Variants in FILIP1L observed in about 807,000 individuals in gnomAD.
FILIP1L encodes the protein filamin A-interacting protein 1-like.
In FILIP1L, 55 loss-of-function variants were observed where a neutral mutation model predicts 96.6. The ratio of observed to expected loss-of-function variants is 0.57; its 90% CI spans 0.46 to 0.71. The LOEUF (loss-of-function observed/expected upper bound fraction) is 0.71. FILIP1L is among the 30% of genes least tolerant of loss of function. The probability of loss-of-function intolerance (pLI) is 0.00; values close to 1 mark genes in which losing one functional copy is unlikely to be tolerated. For missense variants in FILIP1L, 1,304 were observed against 1,321.2 expected, an observed-to-expected ratio of 0.99 and a Z score of 0.20; for synonymous variants, 467 against 473.9, an observed-to-expected ratio of 0.99 and a Z score of 0.19.
At position 99,892,695 on chromosome 3, in the gene FILIP1L, C is replaced by T. The variant is rs116208662; in HGVS notation, c.605+31535G>A. Among the ~76,000 whole-genome samples the T allele has an allele frequency of 3.5e-3, 533 of 152,230 alleles. 5 individuals are homozygous for T. The highest frequency in any genetic ancestry group is 0.012 in the African/African-American group (487 of 41,552). On this transcript the variant is annotated intron_variant, in intron 4 of 5. Coordinates refer to ENST00000477258, the MANE Select transcript of FILIP1L (RefSeq NM_001387850.1). ...CTCTTTAGGAGCCAGTAAGCCTTTC[C>T]CATAACTCTCCCCCAATTCCTTACT...
intron 4 of FILIP1L, among the ~76,000 whole-genome samples, chr3:99,891,303 T>C (rs1706075358): frequency 6.6e-6 from 1 of 152,178 alleles, no homozygotes; most frequent in Non-Finnish European, 1.5e-5. Context: ...ATCTCAGCTT[T>C]ATGTGGGGCT....
intron 1 of FILIP1L, among the ~76,000 whole-genome samples, chr3:100,054,652 C>T (rs1472627645): frequency 6.6e-6 from 1 of 152,092 alleles, no homozygotes; most frequent in African/African-American, 2.4e-5. Flanking sequence ...CTCAAAGAAA[C>T]CATGCTGGAC....
chr3:100,024,592 T>C (rs2064884300), intron 1 of FILIP1L, among the ~76,000 whole-genome samples: 2 of 152,158 alleles, frequency 1.3e-5, no homozygotes, highest in Non-Finnish European at 1.5e-5. Flanking sequence ...TATGTAATTA[T>C]AGTAACAAAT....
intron 1 of FILIP1L, among the ~76,000 whole-genome samples, chr3:100,024,253 A>C (rs2064878494): frequency 6.6e-6 from 1 of 151,876 alleles, no homozygotes; most frequent in African/African-American, 2.4e-5. Flanking sequence ...GTGTAGAGCC[A>C]AGGCCTTTTC....
chr3:100,091,614 A>G (rs752991315), intron 1 of FILIP1L, among the ~76,000 whole-genome samples: 2 of 152,266 alleles, frequency 1.3e-5, no homozygotes, highest in African/African-American at 2.4e-5. Context: ...TTACAAAAGT[A>G]TAACTAGCTT....
At chr3:99,929,817 G>T (rs748791938) in intron 3 of FILIP1L, 39 bp downstream of exon 3, 58 of 1,498,790 alleles carry the variant, frequency 3.9e-5, no homozygotes, top group Non-Finnish European at 4.9e-5. Flanking sequence ...GCTAGTGCTT[G>T]GCTGCCTCCC....
At chr3:100,078,540 T>A (rs2065884133) in intron 1 of FILIP1L, among the ~76,000 whole-genome samples, 1 of 152,052 alleles carries the variant, frequency 6.6e-6, no homozygotes, top group East Asian at 1.9e-4. Context: ...TTGCAAGAAT[T>A]GTCTTGGGCC....
chr3:99,866,769 T>A (rs1250214585), intron 4 of FILIP1L, among the ~76,000 whole-genome samples: 1 of 152,194 alleles, frequency 6.6e-6, no homozygotes, highest in Non-Finnish European at 1.5e-5. Flanking sequence ...ATCTTTTCCA[T>A]GATTTTTGCA....
intron 1 of FILIP1L, among the ~76,000 whole-genome samples, chr3:100,110,865 G>A (rs544531721): frequency 1.3e-5 from 2 of 152,258 alleles, no homozygotes; most frequent in Admixed American, 6.5e-5. Flanking sequence ...GATCTGATGT[G>A]ACAATGTTTT....
intron 1 of FILIP1L, among the ~76,000 whole-genome samples, chr3:99,991,959 T>C (rs1364663882): frequency 6.7e-6 from 1 of 149,174 alleles, no homozygotes; most frequent in Non-Finnish European, 1.5e-5. Flanking sequence ...TGTATATATG[T>C]GTGTATATAT....
chr3:99,899,987 G>A (rs983990577), intron 4 of FILIP1L, among the ~76,000 whole-genome samples: 4 of 152,108 alleles, frequency 2.6e-5, no homozygotes, highest in Admixed American at 6.6e-5. Context: ...CTTTGAAATC[G>A]TATAATTCTG....
At chr3:100,000,002 GA>G (rs1709796379) in intron 1 of FILIP1L, among the ~76,000 whole-genome samples, 2 of 151,610 alleles carry the variant, frequency 1.3e-5, no homozygotes, top group African/African-American at 4.8e-5. Context: ...AAAAAGAAAA[GA>G]AATACCAGAC....
intron 1 of FILIP1L, among the ~76,000 whole-genome samples, chr3:100,033,632 C>T (rs1399457831): frequency 1.3e-5 from 2 of 152,030 alleles, no homozygotes; most frequent in African/African-American, 2.4e-5. Flanking sequence ...GATATTAGGA[C>T]GGGAGCTTTT....
intron 1 of FILIP1L, among the ~76,000 whole-genome samples, chr3:100,056,850 A>G (rs190676758): frequency 1.5e-3 from 230 of 152,184 alleles, no homozygotes; most frequent in African/African-American, 5.2e-3. Context: ...TAAAAATACA[A>G]AAAATTAGCC....
At position 99,849,538 on chromosome 3, in the gene FILIP1L, C is replaced by G. The variant is rs772070838; in HGVS notation, c.2138G>C (p.Gly713Ala). 6.2e-7 allele frequency: 1 copy of G among 1,613,154 alleles called. No individual in the cohort carries two copies. Among genetic ancestry groups the G allele is most frequent in the Non-Finnish European group, 8.5e-7 (1 of 1,179,866 alleles). The change falls in exon 5 of 6, where the codon GGG becomes GCG. Residue 713 changes from glycine (G) to alanine (A), a missense_variant. Coordinates refer to ENST00000477258, the MANE Select transcript of FILIP1L (RefSeq NM_001387850.1). ...KRLQEEEAKS[G>A]HLSREVDALK... ...TGCATCCACTTCTCTTGAGAGGTGC[C>G]CTGACTTAGCTTCTTCTTCTTGAAG... is the stretch of plus-strand genomic sequence containing the variant.
At position 100,013,658 on chromosome 3, in the gene FILIP1L, A is replaced by C. The variant is rs541516925; in HGVS notation, c.-10-82628T>G. On this transcript the variant is annotated intron_variant, in intron 1 of 5. Coordinates refer to ENST00000477258, the MANE Select transcript of FILIP1L (RefSeq NM_001387850.1). ...TTCTTTATAAAATAAGCTTCTTCTA[A>C]ACAGTGAAATGATATTTTTTCCTAG... Among the ~76,000 whole-genome samples the C allele has an allele frequency of 3.9e-4, 60 of 152,300 alleles. 1 individual carries two copies. Among genetic ancestry groups the C allele is most frequent in the African/African-American group, 1.4e-3 (59 of 41,566 alleles).
intron 1 of FILIP1L, among the ~76,000 whole-genome samples, chr3:100,086,811 G>A (rs557909030): frequency 7.9e-4 from 121 of 152,270 alleles, no homozygotes; most frequent in Non-Finnish European, 1.6e-3. Context: ...TAATCAAAAT[G>A]CAAAGCACTT....
rs976575755 is a variant in FILIP1L, at chr3:99,828,948, C to G, written c.*1466G>C. On this transcript the variant is annotated 3_prime_UTR_variant, in exon 6 of 6. Transcript: ENST00000477258. ...CCTCTCAATGCTGCCCATCATCCCT[C>G]TCAATGCTGCCCATCATCCCTTTCA... is the stretch of plus-strand genomic sequence containing the variant. 6.6e-6 allele frequency among the ~76,000 whole-genome samples: 1 copy of G among 151,880 alleles called. No homozygotes were observed. The highest frequency in any genetic ancestry group is 1.9e-4 in the East Asian group (1 of 5,172).
intron 4 of FILIP1L, among the ~76,000 whole-genome samples, chr3:99,882,080 T>C (rs1172588143): frequency 6.6e-6 from 1 of 152,180 alleles, no homozygotes; most frequent in Non-Finnish European, 1.5e-5. Context: ...GGAACTCAAA[T>C]AGAGCAATTC....
Sources: gnomAD v4.1 joint callset for allele counts (sites outside exome capture counted in the v4.1 genomes callset) on GRCh38, gnomAD v4.1.1 for gene constraint, MANE v1.5 for transcripts, NCBI Gene and HGNC (gene_info 2026-07-23, HGNC 2026-07-21) for gene names.